Variants in CPEB3 observed in about 807,000 individuals in gnomAD.
The protein encoded by CPEB3 is cytoplasmic polyadenylation element-binding protein 3.
In CPEB3, 20 loss-of-function variants were observed where a neutral mutation model predicts 67.2. That is an observed-to-expected ratio of 0.30 (90% confidence interval 0.21 to 0.43). The LOEUF is 0.43. Among genes scored for constraint, CPEB3 ranks in the 20% least tolerant of loss-of-function variants. The pLI, the probability that CPEB3 is intolerant of heterozygous loss-of-function variation, is 1.00. For synonymous variants in CPEB3, 376 were observed against 393.1 expected (o/e 0.96, Z 0.51); for missense variants, 746 against 968.6 (o/e 0.77, Z 3.05).
At chr10:92,255,710 TTTAAGCCA>T (rs1454130817) in intron 1 of CPEB3, among the ~76,000 whole-genome samples, 1 of 152,230 alleles carries the variant, frequency 6.6e-6, no homozygotes, top group Non-Finnish European at 1.5e-5. Flanking sequence ...TAAATGTTGT[TTTAAGCCA>T]TTAAGCTTGT....
At chr10:92,064,716 G>A (rs1842481732) in intron 9 of CPEB3, among the ~76,000 whole-genome samples, 1 of 152,152 alleles carries the variant, frequency 6.6e-6, no homozygotes, top group South Asian at 2.1e-4. Context: ...GCTGAAAGGA[G>A]GCCATGATTC....
At chr10:92,206,188 C>T (rs889863754) in intron 2 of CPEB3, among the ~76,000 whole-genome samples, 2 of 151,826 alleles carry the variant, frequency 1.3e-5, no homozygotes, top group South Asian at 4.2e-4. Context: ...TCTCCTGCCT[C>T]AGCCTCCCAA....
At chr10:92,054,474 A>G (rs1240018516) in intron 9 of CPEB3, among the ~76,000 whole-genome samples, 1 of 151,498 alleles carries the variant, frequency 6.6e-6, no homozygotes, top group Non-Finnish European at 1.5e-5. Flanking sequence ...CCCAGGCTGG[A>G]GTGCAATGGC....
In CPEB3 at chr10:92,092,101, C is replaced by T. The variant is rs189777891; in HGVS notation, c.1573-157G>A. The stretch of plus-strand genomic sequence containing the variant: ...AGTTAACGTAATCTGCATTAAGTAC[C>T]TTTCAATAGAACTCTTGGGGAATCT... On this transcript the variant is annotated intron_variant, in intron 7 of 9. Transcript: ENST00000265997. Among the ~76,000 whole-genome samples the T allele has an allele frequency of 6.0e-4, 91 of 152,276 alleles. No individual in the cohort carries two copies. The East Asian group carries it at 0.012, about 21-fold the overall frequency.
At chr10:92,265,523 G>A (rs941706393) in intron 1 of CPEB3, among the ~76,000 whole-genome samples, 4 of 151,924 alleles carry the variant, frequency 2.6e-5, no homozygotes, top group South Asian at 2.1e-4. Context: ...TTGGGAGGCC[G>A]AGGCAGGTGG....
chr10:92,199,647 G>A (rs896897941), intron 2 of CPEB3, among the ~76,000 whole-genome samples: 3 of 126,490 alleles, frequency 2.4e-5, no homozygotes, highest in East Asian at 2.4e-4. Flanking sequence ...TCACGCCACC[G>A]TACTCCAGCC....
At chr10:92,076,456 G>A (rs1842937450) in intron 9 of CPEB3, 1 of 152,108 alleles carries the variant, frequency 6.6e-6, no homozygotes, top group African/African-American at 2.4e-5. Context: ...CCAGGCTGGA[G>A]TACAGTGGCA....
At chr10:92,188,399 G>A (rs1177351936) in intron 3 of CPEB3, among the ~76,000 whole-genome samples, 2 of 149,016 alleles carry the variant, frequency 1.3e-5, no homozygotes, top group Non-Finnish European at 3.0e-5. Context: ...CACGTAGTTT[G>A]GGATCTTTAA....
chr10:92,239,529 C>G lies in CPEB3; in HGVS notation c.822G>C (p.Val274=). 1 of 1,562,724 alleles carries G rather than the reference C, an allele frequency of 6.4e-7. No individual in the cohort carries two copies. Among genetic ancestry groups the G allele is most frequent in the Non-Finnish European group, 8.7e-7 (1 of 1,152,564 alleles). Residue 274 remains valine (V), a synonymous_variant, in exon 2 of 10, where the codon GTG becomes GTC. Coordinates refer to ENST00000265997, the MANE Select transcript of CPEB3 (RefSeq NM_014912.5). This position sits in a 1 kb window ranked among gnomAD's most constrained non-coding sequence, Gnocchi z 6.0. Reference sequence around the variant, plus strand: ...GCACCCCGACACCCACACCCACGCCCACACCGACCGCCCGGCGAGGGTCCC... The same window carrying G: ...GCACCCCGACACCCACACCCACGCCGACACCGACCGCCCGGCGAGGGTCCC... The part of the protein sequence containing the change: ...AGRDPRRAVG[V]GVGVGVGVPS...
At chr10:92,202,800 C>A (rs1849578656) in intron 2 of CPEB3, among the ~76,000 whole-genome samples, 1 of 151,620 alleles carries the variant, frequency 6.6e-6, no homozygotes, top group African/African-American at 2.4e-5. Flanking sequence ...AGAATTAGAT[C>A]ATAATGACTG....
intron 4 of CPEB3, among the ~76,000 whole-genome samples, chr10:92,173,538 C>T (rs78251113): frequency 2.0e-5 from 3 of 152,048 alleles, no homozygotes; most frequent in East Asian, 1.9e-4. Flanking sequence ...CCAAAGACAC[C>T]GAATTTGCAT....
At chr10:92,067,466 C>G (rs1283639245) in intron 9 of CPEB3, among the ~76,000 whole-genome samples, 1 of 151,714 alleles carries the variant, frequency 6.6e-6, no homozygotes, top group Non-Finnish European at 1.5e-5. Flanking sequence ...CACCACTGCA[C>G]TCCAGCCCAG....
At chr10:92,128,772 T>A (rs1003756472) in intron 6 of CPEB3, among the ~76,000 whole-genome samples, 5 of 151,994 alleles carry the variant, frequency 3.3e-5, no homozygotes, top group African/African-American at 1.2e-4. Context: ...ATTAGAGAAA[T>A]GCAAATCAAA....
chr10:92,258,203 A>G (rs949948453), intron 1 of CPEB3, among the ~76,000 whole-genome samples: 1 of 149,436 alleles, frequency 6.7e-6, no homozygotes, highest in African/African-American at 2.5e-5. Context: ...GGGTTCATGC[A>G]ATTATCCTGC....
At chr10:92,275,291 G>A (rs1320187192) in intron 1 of CPEB3, among the ~76,000 whole-genome samples, 3 of 152,036 alleles carry the variant, frequency 2.0e-5, no homozygotes, top group Non-Finnish European at 4.4e-5. Flanking sequence ...TGTAACAATC[G>A]AAATGTCTCC....
intron 9 of CPEB3, among the ~76,000 whole-genome samples, chr10:92,060,668 A>G (rs1030143051): frequency 2.0e-5 from 3 of 152,238 alleles, no homozygotes; most frequent in African/African-American, 7.2e-5. Flanking sequence ...ACTCTATAGG[A>G]AAAAAATCTA....
intron 2 of CPEB3, among the ~76,000 whole-genome samples, chr10:92,215,529 C>T (rs1410855660): frequency 6.7e-6 from 1 of 149,690 alleles, no homozygotes; most frequent in East Asian, 2.0e-4. Flanking sequence ...GCAACCTCCA[C>T]CTCCCGGGTT....
chr10:92,097,616 T>C (rs924199476), intron 7 of CPEB3, among the ~76,000 whole-genome samples: 1 of 152,170 alleles, frequency 6.6e-6, no homozygotes, highest in Non-Finnish European at 1.5e-5. Flanking sequence ...TAATAATTTA[T>C]ACCATATAGT....
chr10:92,173,584 T>C (rs958297899), intron 4 of CPEB3, among the ~76,000 whole-genome samples: 1 of 152,162 alleles, frequency 6.6e-6, no homozygotes, highest in Non-Finnish European at 1.5e-5. Context: ...ATAATAATAA[T>C]GTAACTACTC....
Sources: gnomAD v4.1 joint callset for allele counts (sites outside exome capture counted in the v4.1 genomes callset) on GRCh38, gnomAD v4.1.1 for gene constraint, Gnocchi (gnomAD v3.1) non-coding constraint, MANE v1.5 for transcripts, NCBI Gene and HGNC (gene_info 2026-07-23, HGNC 2026-07-21) for gene names.